The following SLC9A4 variants were observed in gnomAD, a reference collection of about 807,000 sequenced individuals.
SLC9A4 encodes sodium/hydrogen exchanger 4.
Under a neutral mutation model 67.4 loss-of-function variants are expected in SLC9A4, and 63 were observed. The observed-to-expected ratio is 0.93, with a 90% CI of 0.76 to 1.15. The LOEUF (loss-of-function observed/expected upper bound fraction) is 1.15. Among genes scored for constraint, SLC9A4 ranks in the 50% most tolerant of loss-of-function variants. The pLI is 0.00. For synonymous variants in SLC9A4, 393 were observed against 367.2 expected (o/e 1.07, Z -0.80); for missense variants, 1,089 against 987.7 (o/e 1.10, Z -1.38).
chr2:102,482,437 T>A (rs925363162), intron 2 of SLC9A4, among the ~76,000 whole-genome samples: 1 of 152,178 alleles, frequency 6.6e-6, no homozygotes, highest in African/African-American at 2.4e-5. Context: ...CTTATCCATC[T>A]CCCCAGACGA....
chr2:102,508,954 A>T, intron 6 of SLC9A4, 21 bp downstream of exon 6: 1 of 1,572,326 alleles, frequency 6.4e-7, no homozygotes, highest in Non-Finnish European at 8.7e-7. Context: ...TCATAGTCAC[A>T]ATTAATAAAT....
At chr2:102,496,292 G>A (rs2104426803) in intron 2 of SLC9A4, among the ~76,000 whole-genome samples, 1 of 152,228 alleles carries the variant, frequency 6.6e-6, no homozygotes, top group East Asian at 1.9e-4. Flanking sequence ...TAGTAATCAG[G>A]GAAATGCAAA....
intron 8 of SLC9A4, among the ~76,000 whole-genome samples, chr2:102,514,763 T>C (rs1685241792): frequency 6.6e-6 from 1 of 152,222 alleles, no homozygotes; most frequent in Non-Finnish European, 1.5e-5. Context: ...TAATTGCATC[T>C]AAGGCGAAGG....
intron 11 of SLC9A4, 132 bp from the exon 12 acceptor site, chr2:102,532,198 A>G: frequency 2.0e-6 from 2 of 1,004,592 alleles, no homozygotes. Context: ...TGTGCTGATA[A>G]GAAAGTTGAG....
chr2:102,489,083 C>T (rs577961317), intron 2 of SLC9A4, among the ~76,000 whole-genome samples: 1 of 152,344 alleles, frequency 6.6e-6, no homozygotes, highest in South Asian at 2.1e-4. Flanking sequence ...ACAACTGATG[C>T]TTGCTTTTAT....
intron 7 of SLC9A4, among the ~76,000 whole-genome samples, chr2:102,513,636 C>T (rs1457475494): frequency 6.6e-6 from 1 of 152,212 alleles, no homozygotes; most frequent in Non-Finnish European, 1.5e-5. Context: ...ACTGTAACTA[C>T]CGGGCCATTT....
chr2:102,506,223 C>T (rs1685047601), intron 4 of SLC9A4, among the ~76,000 whole-genome samples: 1 of 152,154 alleles, frequency 6.6e-6, no homozygotes, highest in African/African-American at 2.4e-5. Flanking sequence ...TAGAAAAGAA[C>T]ATTAAGCACT....
At position 102,479,204 on chromosome 2, in the gene SLC9A4, C is replaced by A. The variant is rs773754643; in HGVS notation, c.622C>A (p.Pro208Thr). ...CGGCAGCCTGATCTCCGCCGTGGAC[C>A]CAGTGGCCGTGCTAGCCGTGTTTGA... ...LFGSLISAVDPVAVLAVFEEA... is the reference protein window; with the variant it reads ...LFGSLISAVDTVAVLAVFEEA... Residue 208 changes from proline to threonine, a missense_variant, in exon 2 of 12, where the codon CCA becomes ACA. Coordinates refer to ENST00000295269, the MANE Select transcript of SLC9A4 (RefSeq NM_001011552.4). The A allele has an allele frequency of 1.9e-6, 3 of 1,614,192 alleles. No individual in the cohort carries two copies. The highest frequency in any genetic ancestry group is 1.1e-5 in the South Asian group (1 of 91,078).
chr2:102,528,519 C>G (rs1353803154), intron 11 of SLC9A4, among the ~76,000 whole-genome samples: 1 of 152,038 alleles, frequency 6.6e-6, no homozygotes, highest in African/African-American at 2.4e-5. Flanking sequence ...TCCTGCCTCG[C>G]CTCCTAACAT....
intron 2 of SLC9A4, among the ~76,000 whole-genome samples, chr2:102,486,345 G>A (rs1684589077): frequency 6.6e-6 from 1 of 152,148 alleles, no homozygotes; most frequent in Non-Finnish European, 1.5e-5. Context: ...CCCTGTGTTT[G>A]GTGTTATTCA....
At position 102,473,871 on chromosome 2, in the gene SLC9A4, GC is replaced by G; in HGVS notation, c.113del (p.Ala38ValfsTer42). ...SDLNESANST[A>X]QYASNAWFAA... ...TTTGAATGAATCTGCAAATTCCACT[GC>G]TCAGTATGCATCTAACGCTTGGTTT... On this transcript the variant is annotated frameshift_variant, in exon 1 of 12. Transcript: ENST00000295269. LOFTEE classifies it high-confidence loss of function. 2 of 1,614,118 alleles carry G rather than the reference GC, an allele frequency of 1.2e-6. No homozygotes were observed. Among genetic ancestry groups the G allele is most frequent in the Non-Finnish European group, 1.7e-6 (2 of 1,179,962 alleles).
In SLC9A4 at chr2:102,503,470, C is replaced by A; in HGVS notation, c.743C>A (p.Ala248Asp). 1.9e-6 allele frequency: 3 copies of A among 1,611,806 alleles called. No homozygotes were observed. The highest frequency in any genetic ancestry group is 2.2e-5 in the East Asian group (1 of 44,838). The part of the protein sequence containing the change: ...ITVVLYNMLI[A>D]FTKMHKFEDI... The stretch of plus-strand genomic sequence containing the variant: ...TAGGTCTTATACAATATGTTAATTG[C>A]CTTTACAAAGATGCATAAATTTGAA... The change falls in exon 3 of 12, where the codon GCC (alanine) becomes GAC (aspartate). Residue 248 changes from alanine to aspartate, a missense_variant. By Grantham distance (126) the Ala-to-Asp change is moderately radical (BLOSUM62 -2). Coordinates refer to ENST00000295269, the MANE Select transcript of SLC9A4 (RefSeq NM_001011552.4).
intron 2 of SLC9A4, among the ~76,000 whole-genome samples, chr2:102,495,009 G>C (rs931083712): frequency 6.6e-5 from 10 of 151,986 alleles, no homozygotes; most frequent in Non-Finnish European, 1.3e-4. Flanking sequence ...TAGAATATTA[G>C]GCCCAACTAC....
At chr2:102,507,344 T>C (rs1685070861) in intron 4 of SLC9A4, among the ~76,000 whole-genome samples, 1 of 152,240 alleles carries the variant, frequency 6.6e-6, no homozygotes, top group South Asian at 2.1e-4. Flanking sequence ...CTTCTTTGAT[T>C]CATCAGAGCT....
chr2:102,504,848 T>C (rs1685015444), intron 3 of SLC9A4, among the ~76,000 whole-genome samples: 1 of 152,186 alleles, frequency 6.6e-6, no homozygotes, highest in African/African-American at 2.4e-5. Context: ...TTTTGATCAT[T>C]TATGGTTGGA....
chr2:102,516,387 G>A (rs552010870), intron 8 of SLC9A4, among the ~76,000 whole-genome samples: 12 of 152,162 alleles, frequency 7.9e-5, no homozygotes, highest in African/African-American at 2.6e-4. Context: ...TCTGTAGGAC[G>A]TCAAGCAAAA....
At chr2:102,475,776 T>C (rs1404330223) in intron 1 of SLC9A4, among the ~76,000 whole-genome samples, 2 of 152,222 alleles carry the variant, frequency 1.3e-5, no homozygotes, top group African/African-American at 4.8e-5. Flanking sequence ...ATTTATTGAA[T>C]ATATACTATG....
intron 1 of SLC9A4, among the ~76,000 whole-genome samples, chr2:102,476,781 G>A (rs1018155801): frequency 1.3e-5 from 2 of 152,032 alleles, no homozygotes; most frequent in African/African-American, 2.4e-5. Context: ...GGAGCAGCAG[G>A]AGTTGGACAA....
rs1189772926 is a variant in SLC9A4 at position 102,503,725 on chromosome 2, A to G, written c.980+18A>G. On this transcript the variant is annotated intron_variant, in intron 3 of 11. Transcript: ENST00000295269. ...ATCCTGGCGTGAGTACAAACCAAGG[A>G]TCAAGTCACATAGTAATAGAAAGAA... The G allele has an allele frequency of 1.6e-5, 25 of 1,611,342 alleles. No homozygotes were observed. Among genetic ancestry groups the G allele is most frequent in the Non-Finnish European group, 2.0e-5 (24 of 1,178,166 alleles).
Sources: allele counts gnomAD v4.1 joint callset (sites outside exome capture counted in the v4.1 genomes callset), GRCh38; gene constraint gnomAD v4.1.1; transcripts MANE v1.5; gene names NCBI Gene and HGNC (gene_info 2026-07-23, HGNC 2026-07-21).